REV3L: variants seen among roughly 807,000 people sequenced by gnomAD.
REV3L encodes REV3 like, DNA directed polymerase zeta catalytic subunit, also known as DNA polymerase zeta catalytic subunit.
A neutral mutation model predicts 299.4 loss-of-function variants in REV3L; 69 were observed. The observed-to-expected ratio is 0.23, with a 90% CI of 0.19 to 0.28. REV3L has a LOEUF of 0.28. Among genes scored for constraint, REV3L ranks in the 10% least tolerant of loss-of-function variants. The pLI is 1.00. For synonymous variants in REV3L, 1,238 were observed against 1,271.4 expected, an observed-to-expected ratio of 0.97 and a Z score of 0.56; for missense variants, 3,128 against 3,693.8, an observed-to-expected ratio of 0.85 and a Z score of 3.97.
chr6:111,348,343 A>G (rs994485976), intron 20 of REV3L, among the ~76,000 whole-genome samples: 2 of 152,202 alleles, frequency 1.3e-5, no homozygotes, highest in Non-Finnish European at 2.9e-5. Flanking sequence ...TGTGTGTGAA[A>G]TAATTCTTTT....
intron 1 of REV3L, among the ~76,000 whole-genome samples, chr6:111,479,126 T>A (rs1392799286): frequency 6.6e-6 from 1 of 152,184 alleles, no homozygotes; most frequent in East Asian, 1.9e-4. Flanking sequence ...AATCCTTAAA[T>A]GAAGCCTGAT....
intron 31 of REV3L, among the ~76,000 whole-genome samples, chr6:111,304,342 A>G (rs997296318): frequency 6.7e-5 from 10 of 149,254 alleles, no homozygotes; most frequent in Non-Finnish European, 1.5e-4. Flanking sequence ...TTGATATATA[A>G]TCACAAGGTC....
At chr6:111,306,961 A>C (rs189406425) in intron 31 of REV3L, among the ~76,000 whole-genome samples, 2 of 152,334 alleles carry the variant, frequency 1.3e-5, no homozygotes, top group East Asian at 3.9e-4. Context: ...GAGTATCATT[A>C]ATCTGAAAAT....
At chr6:111,319,720 G>A (rs1022081790) in intron 26 of REV3L, among the ~76,000 whole-genome samples, 2 of 152,110 alleles carry the variant, frequency 1.3e-5, no homozygotes, top group Non-Finnish European at 2.9e-5. Context: ...TTTTGATGAT[G>A]AGGCAACTAA....
intron 20 of REV3L, among the ~76,000 whole-genome samples, chr6:111,346,446 A>G (rs1212451977): frequency 6.6e-6 from 1 of 152,244 alleles, no homozygotes; most frequent in Non-Finnish European, 1.5e-5. Flanking sequence ...AAGAGAAAGA[A>G]ATCTAGTACT....
chr6:111,372,005 C>A (rs1458847535), intron 13 of REV3L, among the ~76,000 whole-genome samples: 1 of 152,090 alleles, frequency 6.6e-6, no homozygotes, highest in Non-Finnish European at 1.5e-5. Context: ...TGAAAAAATT[C>A]TTAAAAGAAA....
rs746026421 is a variant in REV3L, at chr6:111,376,058, T to C, written c.2297A>G (p.Glu766Gly). 6.2e-7 allele frequency: 1 copy of C among 1,614,026 alleles called. No individual in the cohort carries two copies. The highest frequency in any genetic ancestry group is 1.1e-5 in the South Asian group (1 of 91,078). Residue 766 changes from glutamate to glycine, a missense_variant, in exon 13 of 32, where the codon GAA becomes GGA. Coordinates refer to ENST00000368802, the MANE Select transcript of REV3L (RefSeq NM_001372078.1). ...AATTTTAAGTTTATTTAGTCCACTT[T>C]CATCAGCAGTGCTATTAAGAGAATG... is the stretch of plus-strand genomic sequence containing the variant. The part of the protein sequence containing the change: ...MVHSLNSTAD[E>G]SGLNKLKIRY...
chr6:111,437,172 T>C (rs1392801317), intron 1 of REV3L, among the ~76,000 whole-genome samples: 2 of 152,174 alleles, frequency 1.3e-5, no homozygotes, highest in Non-Finnish European at 2.9e-5. Flanking sequence ...TATAGAATAG[T>C]CTGGTAGTTC....
chr6:111,438,981 G>A (rs1787924216), intron 1 of REV3L, among the ~76,000 whole-genome samples: 1 of 152,102 alleles, frequency 6.6e-6, no homozygotes, highest in African/African-American at 2.4e-5. Context: ...GTATACATTT[G>A]CAACTATTCT....
At chr6:111,474,988 T>TATATATATACAC (rs151075609) in intron 1 of REV3L, among the ~76,000 whole-genome samples, 25 of 145,842 alleles carry the variant, frequency 1.7e-4, no homozygotes, top group African/African-American at 6.0e-4. Flanking sequence ...TGCCTATATA[T>TATATATATACAC]ACACACACAC....
At chr6:111,377,934 T>C (rs1780475551) in intron 11 of REV3L, 91 bp from the exon 12 acceptor site, 6 of 999,428 alleles carry the variant, frequency 6.0e-6, no homozygotes, top group Non-Finnish European at 8.6e-6. Flanking sequence ...TCTATAATAA[T>C]GTATCTAAGT....
Position 111,373,558 on chromosome 6 carries a change from G to A in REV3L, c.4797C>T (p.Leu1599=). 6.2e-7 allele frequency: 1 copy of A among 1,613,874 alleles called. No homozygotes were observed. Among genetic ancestry groups the A allele is most frequent in the Non-Finnish European group, 8.5e-7 (1 of 1,179,944 alleles). The change falls in exon 13 of 32, where the codon CTC becomes CTT. Residue 1599 remains leucine, a synonymous_variant. Coordinates refer to ENST00000368802, the MANE Select transcript of REV3L (RefSeq NM_001372078.1). ...TKQKEKIPKL[L]KVDSLNLQNS... is the part of the protein sequence containing the mutation. ...TTTGTAAATTTAAAGAGTCTACTTTGAGAAGTTTGGGGATTTTTTCTTTTT... is the reference window on the plus strand; with the variant it reads ...TTTGTAAATTTAAAGAGTCTACTTTAAGAAGTTTGGGGATTTTTTCTTTTT...
chr6:111,448,909 T>C (rs1364292235), intron 1 of REV3L, among the ~76,000 whole-genome samples: 1 of 151,176 alleles, frequency 6.6e-6, no homozygotes, highest in Non-Finnish European at 1.5e-5. Context: ...GCAATCTTCC[T>C]GCCCCGGCCT....
chr6:111,394,573 GTTGA>G (rs1782279063), intron 4 of REV3L, among the ~76,000 whole-genome samples: 1 of 152,104 alleles, frequency 6.6e-6, no homozygotes, highest in African/African-American at 2.4e-5. Flanking sequence ...TCTTTACTCT[GTTGA>G]TTGTTTCCTT....
chr6:111,338,965 C>T (rs1425046740), intron 21 of REV3L, among the ~76,000 whole-genome samples: 1 of 152,046 alleles, frequency 6.6e-6, no homozygotes, highest in African/African-American at 2.4e-5. Context: ...CAAGCTGCTA[C>T]GTGACCCTAG....
At chr6:111,452,819 A>G (rs1789711593) in intron 1 of REV3L, among the ~76,000 whole-genome samples, 1 of 152,186 alleles carries the variant, frequency 6.6e-6, no homozygotes, top group South Asian at 2.1e-4. Context: ...TTAAAGAAAA[A>G]GAACAGGGGA....
At chr6:111,320,735 A>C (rs1774073280) in intron 26 of REV3L, among the ~76,000 whole-genome samples, 2 of 151,856 alleles carry the variant, frequency 1.3e-5, no homozygotes, top group Admixed American at 1.3e-4. Context: ...ACAGCCTTGA[A>C]CTCCTGGGTT....
At chr6:111,438,021 TTTTTTTATTTTTA>T (rs1194845699) in intron 1 of REV3L, among the ~76,000 whole-genome samples, 1 of 151,342 alleles carries the variant, frequency 6.6e-6, no homozygotes, top group Non-Finnish European at 1.5e-5. Flanking sequence ...CTAATTTTTT[TTTTTTTATTTTTA>T]TTTTTTATAG....
At chr6:111,483,517 G>C (rs1364815240), upstream of REV3L, 10 of 526,868 alleles carry the variant, frequency 1.9e-5, no homozygotes, top group Admixed American at 2.4e-5. Flanking sequence ...GCTCCGAGGG[G>C]CTTGCGGGAG....
Sources: allele counts gnomAD v4.1 joint callset (sites outside exome capture counted in the v4.1 genomes callset), GRCh38; gene constraint gnomAD v4.1.1; transcripts MANE v1.5; gene names NCBI Gene and HGNC (gene_info 2026-07-23, HGNC 2026-07-21).